GSR: variants seen among roughly 807,000 people sequenced by gnomAD.
The protein encoded by GSR is glutathione-disulfide reductase.
In GSR, 48 loss-of-function variants were observed where a neutral mutation model predicts 56.5. The observed-to-expected ratio is 0.85, with a 90% CI of 0.67 to 1.08. The LOEUF (loss-of-function observed/expected upper bound fraction) is 1.08, where lower values mean the gene tolerates loss of function less well. GSR is among the 50% of genes least tolerant of loss of function. GSR has a pLI of 0.00. For missense variants in GSR, 694 were observed against 703.3 expected, an observed-to-expected ratio of 0.99 and a Z score of 0.15; for synonymous variants, 264 against 270.8, an observed-to-expected ratio of 0.97 and a Z score of 0.25.
chr8:30,727,517 C>A lies in GSR; in HGVS notation c.306+13G>T. 1.3e-6 allele frequency: 2 copies of A among 1,536,168 alleles called. No individual in the cohort carries two copies. Among genetic ancestry groups the A allele is most frequent in the Non-Finnish European group, 1.7e-6 (2 of 1,144,070 alleles). On this transcript the variant is annotated intron_variant, in intron 1 of 12. Coordinates refer to ENST00000221130, the MANE Select transcript of GSR (RefSeq NM_000637.5). ...AGAGGCGCCCCCCGCCCGAACAAAC[C>A]GGCGGTACTCACGCAAGTGCCACCC... is the stretch of plus-strand genomic sequence containing the variant.
chr8:30,685,337 C>G (rs1018132318), intron 9 of GSR, among the ~76,000 whole-genome samples: 2 of 152,102 alleles, frequency 1.3e-5, no homozygotes, highest in Non-Finnish European at 2.9e-5. Context: ...GTGATCCTCA[C>G]GCCTAGGTCT....
At chr8:30,700,021 A>C (rs1034116026) in intron 6 of GSR, 60 bp downstream of exon 6, 1 of 1,248,314 alleles carries the variant, frequency 8.0e-7, no homozygotes, top group Non-Finnish European at 1.2e-6. Context: ...AAGACGAAGA[A>C]AAGTTACCAG....
chr8:30,687,755 T>C (rs528875070), intron 9 of GSR: 5 of 152,218 alleles, frequency 3.3e-5, no homozygotes, highest in Admixed American at 1.3e-4. Flanking sequence ...GTATAGCATA[T>C]CAGAAAAATC....
intron 10 of GSR, among the ~76,000 whole-genome samples, chr8:30,682,495 C>T (rs1198804155): frequency 2.0e-5 from 3 of 152,164 alleles, no homozygotes; most frequent in Non-Finnish European, 2.9e-5. Context: ...AAATGAATTC[C>T]GTGTTTCGAC....
intron 6 of GSR, among the ~76,000 whole-genome samples, chr8:30,699,725 T>C (rs1360611675): frequency 2.0e-5 from 3 of 151,946 alleles, no homozygotes; most frequent in African/African-American, 4.8e-5. Context: ...ATTACAGCCA[T>C]GAGCCACCAC....
chr8:30,681,082 T>C, intron 11 of GSR, 45 bp from the exon 12 acceptor site: 1 of 1,506,280 alleles, frequency 6.6e-7, no homozygotes. Flanking sequence ...AACTAAACAA[T>C]TACACTGAAC....
intron 8 of GSR, among the ~76,000 whole-genome samples, 174 bp downstream of exon 8, chr8:30,692,795 C>G (rs2128741403): frequency 6.6e-6 from 1 of 152,156 alleles, no homozygotes; most frequent in African/African-American, 2.4e-5. Context: ...AGCCACCGCA[C>G]CTGGCTAAAA....
chr8:30,713,349 TA>T (rs1255336673), intron 1 of GSR, among the ~76,000 whole-genome samples: 4 of 151,516 alleles, frequency 2.6e-5, no homozygotes, highest in Non-Finnish European at 5.9e-5. Context: ...AAAACTACAT[TA>T]TTTTTTTGTT....
intron 1 of GSR, among the ~76,000 whole-genome samples, chr8:30,718,919 TG>T (rs1804432722): frequency 2.2e-5 from 1 of 45,984 alleles, no homozygotes; most frequent in Non-Finnish European, 1.3e-4. Flanking sequence ...TAAGGTGTTT[TG>T]TTTTTTTTTT....
At chr8:30,694,268 T>C (rs1803478141) in intron 7 of GSR, among the ~76,000 whole-genome samples, 1 of 152,094 alleles carries the variant, frequency 6.6e-6, no homozygotes, top group Middle Eastern at 3.2e-3. Flanking sequence ...AGGGATCTGA[T>C]AAATTCTGTC....
chr8:30,692,642 C>T (rs1323472300), intron 8 of GSR, among the ~76,000 whole-genome samples: 1 of 151,694 alleles, frequency 6.6e-6, no homozygotes, highest in African/African-American at 2.4e-5. Context: ...GCTGGGATTA[C>T]AGGTGCACAC....
chr8:30,687,778 A>T (rs185406571), intron 9 of GSR: 7 of 152,342 alleles, frequency 4.6e-5, no homozygotes, highest in Non-Finnish European at 1.0e-4. Context: ...CATCATTATC[A>T]ATAGCAGGTG....
intron 10 of GSR, among the ~76,000 whole-genome samples, chr8:30,682,995 T>C (rs774068245): frequency 2.0e-5 from 3 of 151,812 alleles, no homozygotes; most frequent in South Asian, 2.1e-4. Flanking sequence ...GCCCAGCTAA[T>C]TTTTGTATTT....
At chr8:30,692,145 C>A (rs1237585763) in intron 8 of GSR, among the ~76,000 whole-genome samples, 2 of 149,470 alleles carry the variant, frequency 1.3e-5, no homozygotes, top group East Asian at 3.9e-4. Context: ...AATTCAACTG[C>A]CAGATTTCTA....
rs1198022959 is a variant in GSR, at chr8:30,678,746, C to T, written c.*774G>A. On this transcript the variant is annotated 3_prime_UTR_variant, in exon 13 of 13. Transcript: ENST00000221130. ...ATTACATGCTTTTAGAAAAAGGTCT[C>T]ATCCTTGAAGCAGCTTTGTTATATG... is the stretch of plus-strand genomic sequence containing the variant. 6.6e-6 allele frequency: 1 copy of T among 152,166 alleles called. No homozygotes were observed. The highest frequency in any genetic ancestry group is 1.5e-5 in the Non-Finnish European group (1 of 68,040). 9.4% of individuals were successfully genotyped at this position (152,166 alleles called of 1,614,324 possible). A position where few individuals can be genotyped will look rare whatever the true frequency, so the allele number is the denominator to read the frequency against.
chr8:30,695,046 T>C (rs968042376), intron 7 of GSR, among the ~76,000 whole-genome samples: 1 of 151,230 alleles, frequency 6.6e-6, no homozygotes, highest in Admixed American at 6.6e-5. Context: ...CTGGGTAACA[T>C]AGCAAGACTC....
At chr8:30,721,338 T>C (rs902073003) in intron 1 of GSR, among the ~76,000 whole-genome samples, 1 of 152,188 alleles carries the variant, frequency 6.6e-6, no homozygotes, top group African/African-American at 2.4e-5. Context: ...GAATTCTCAC[T>C]GACTGGAAGC....
At chr8:30,723,925 AAACC>A (rs1804640615) in intron 1 of GSR, among the ~76,000 whole-genome samples, 2 of 152,182 alleles carry the variant, frequency 1.3e-5, no homozygotes, top group Non-Finnish European at 2.9e-5. Flanking sequence ...AAACAATGAA[AAACC>A]AACCAATCTC....
intron 9 of GSR, among the ~76,000 whole-genome samples, chr8:30,687,191 T>G (rs1784011677): frequency 6.6e-6 from 1 of 152,146 alleles, no homozygotes; most frequent in Admixed American, 6.6e-5. Context: ...TGTCATTGAA[T>G]AAGATTACAA....
Sources: gnomAD v4.1 joint callset for allele counts (sites outside exome capture counted in the v4.1 genomes callset) on GRCh38, gnomAD v4.1.1 for gene constraint, MANE v1.5 for transcripts, NCBI Gene and HGNC (gene_info 2026-07-23, HGNC 2026-07-21) for gene names.